Variants in NAA11 observed in about 807,000 individuals in gnomAD.
NAA11 encodes the protein N-alpha-acetyltransferase 11.
In NAA11, 15 loss-of-function variants were observed where a neutral mutation model predicts 16.1. That is an observed-to-expected ratio of 0.93 (90% CI 0.62 to 1.44). NAA11 has a LOEUF of 1.44. Among genes scored for constraint, NAA11 ranks in the 40% most tolerant of loss-of-function variants. The pLI is 0.00. For synonymous variants in NAA11, 122 were observed against 112.4 expected (o/e 1.09, Z -0.54); for missense variants, 298 against 291.3 (o/e 1.02, Z -0.17).
chr4:79,192,105 T>G, the NAA11 span, among the ~76,000 whole-genome samples: 3 of 152,214 alleles, frequency 2.0e-5, no homozygotes, highest in African/African-American at 4.8e-5. Flanking sequence ...TAGTTTGGAG[T>G]TGAGTAATGT....
intron 1 of NAA11, among the ~76,000 whole-genome samples, chr4:79,304,512 TGTTA>T (rs758922710): frequency 6.6e-5 from 10 of 152,308 alleles, no homozygotes; most frequent in South Asian, 2.1e-4. Flanking sequence ...TAATAACAAA[TGTTA>T]GTTCTATATT....
intron 2 of NAA11, among the ~76,000 whole-genome samples, chr4:79,232,924 T>C (rs1721497845): frequency 6.6e-6 from 1 of 152,024 alleles, no homozygotes; most frequent in Admixed American, 6.6e-5. Flanking sequence ...TACTGCTAAC[T>C]TTTATGGCCC....
intron 2 of NAA11, among the ~76,000 whole-genome samples, chr4:79,283,393 G>C (rs543436300): frequency 6.6e-6 from 1 of 152,044 alleles, no homozygotes; most frequent in Non-Finnish European, 1.5e-5. Flanking sequence ...AGGCTGGAAA[G>C]TGGTGGAGTG....
At chr4:79,162,937 T>C in the NAA11 span, among the ~76,000 whole-genome samples, 5 of 152,354 alleles carry the variant, frequency 3.3e-5, no homozygotes, top group South Asian at 1.0e-3. Flanking sequence ...TAACAACATA[T>C]GTGTTACATT....
intron 1 of NAA11, among the ~76,000 whole-genome samples, chr4:79,301,634 C>G (rs1723385466): frequency 6.6e-6 from 1 of 152,084 alleles, no homozygotes. Context: ...GTTAAAAATA[C>G]TTCTGTACAT....
At chr4:79,221,602 C>CA (rs1359630467), downstream of NAA11, among the ~76,000 whole-genome samples, 1 of 117,958 alleles carries the variant, frequency 8.5e-6, no homozygotes, top group African/African-American at 2.8e-5. Context: ...TGAATTTTGT[C>CA]AAAGGCTTTT....
At chr4:79,159,348 C>T in the NAA11 span, among the ~76,000 whole-genome samples, 5,793 of 152,180 alleles carry the variant, frequency 0.038, 380 homozygotes, top group African/African-American at 0.13. Flanking sequence ...TCACCATCAC[C>T]AATGATCAGG....
chr4:79,184,984 T>C, the NAA11 span, among the ~76,000 whole-genome samples: 1 of 152,230 alleles, frequency 6.6e-6, no homozygotes, highest in Non-Finnish European at 1.5e-5. Flanking sequence ...GCTTATTTAC[T>C]GCACTGAAAC....
chr4:79,324,699 T>G (rs1020055836), intron 1 of NAA11, among the ~76,000 whole-genome samples: 1 of 152,238 alleles, frequency 6.6e-6, no homozygotes, highest in African/African-American at 2.4e-5. Context: ...GAAGACTGAC[T>G]ACACTGACTT....
chr4:79,229,404 T>C (rs1031154357), intron 2 of NAA11, among the ~76,000 whole-genome samples: 1 of 151,882 alleles, frequency 6.6e-6, no homozygotes, highest in African/African-American at 2.4e-5. Context: ...GTCTGTTTGA[T>C]CTATGTATCT....
the NAA11 span, among the ~76,000 whole-genome samples, chr4:79,188,447 T>G: frequency 1.3e-5 from 2 of 151,804 alleles, no homozygotes; most frequent in Non-Finnish European, 2.9e-5. Flanking sequence ...TAGCCCGGCC[T>G]AGTGGTGGGC....
the NAA11 span, among the ~76,000 whole-genome samples, chr4:79,206,029 G>T: frequency 2.0e-5 from 3 of 152,002 alleles, no homozygotes; most frequent in South Asian, 6.2e-4. Flanking sequence ...AGTATAATTT[G>T]AAGTAAAGTA....
At chr4:79,167,894 T>C in the NAA11 span, among the ~76,000 whole-genome samples, 3 of 152,160 alleles carry the variant, frequency 2.0e-5, no homozygotes, top group African/African-American at 4.8e-5. Context: ...TATTGTACTT[T>C]AAGTTCGGGG....
At chr4:79,281,030 C>T (rs1722774062) in intron 2 of NAA11, among the ~76,000 whole-genome samples, 1 of 151,896 alleles carries the variant, frequency 6.6e-6, no homozygotes, top group Non-Finnish European at 1.5e-5. Flanking sequence ...ACAACTAACA[C>T]TTATCAATGC....
the NAA11 span, chr4:79,195,847 G>C: frequency 6.5e-6 from 1 of 153,556 alleles, no homozygotes; most frequent in African/African-American, 2.4e-5. Context: ...ACTGCTTCTT[G>C]CTGCCGCCAT....
At chr4:79,264,492 T>C (rs1722302999) in intron 2 of NAA11, among the ~76,000 whole-genome samples, 1 of 152,178 alleles carries the variant, frequency 6.6e-6, no homozygotes, top group Admixed American at 6.5e-5. Context: ...AGTTGTCTAT[T>C]CTCACTGTCT....
chr4:79,275,308 T>C (rs767048307), intron 2 of NAA11, among the ~76,000 whole-genome samples: 22 of 152,082 alleles, frequency 1.4e-4, no homozygotes, highest in Non-Finnish European at 2.2e-4. Context: ...AATACAGTTG[T>C]CATGGTATAT....
chr4:79,246,623 C>T (rs1338612500), intron 2 of NAA11, among the ~76,000 whole-genome samples: 1 of 152,058 alleles, frequency 6.6e-6, no homozygotes, highest in African/African-American at 2.4e-5. Flanking sequence ...CGATTAAATC[C>T]ATCAGTTGAA....
At chr4:79,286,648 C>T (rs1034800552) in intron 2 of NAA11, among the ~76,000 whole-genome samples, 4 of 151,886 alleles carry the variant, frequency 2.6e-5, no homozygotes, top group South Asian at 2.1e-4. Flanking sequence ...TATTTCTTTT[C>T]GAGTATAATA....
Sources: allele counts gnomAD v4.1 joint callset (sites outside exome capture counted in the v4.1 genomes callset), GRCh38; gene constraint gnomAD v4.1.1; transcripts MANE v1.5; gene names NCBI Gene and HGNC (gene_info 2026-07-23, HGNC 2026-07-21).